Variants in ANXA8 observed in about 807,000 individuals in gnomAD.
The protein encoded by ANXA8 is VAC-beta.
In ANXA8, 9 loss-of-function variants were observed where a neutral mutation model predicts 26.8. The ratio of observed to expected loss-of-function variants is 0.34; its 90% CI spans 0.20 to 0.59. ANXA8 has a LOEUF of 0.59. Ranked by LOEUF, ANXA8 falls within the 20% of genes least tolerant of loss-of-function variation. ANXA8 has a pLI of 0.84. For missense variants in ANXA8, 83 were observed against 238.5 expected (o/e 0.35, Z 4.29); for synonymous variants, 39 against 94.8 (o/e 0.41, Z 3.42).
At chr10:47,733,292 TTTC>T in the ANXA8 span, among the ~76,000 whole-genome samples, 1 of 78,570 alleles carries the variant, frequency 1.3e-5, no homozygotes, top group Admixed American at 1.3e-4. Flanking sequence ...TCTTTCTTTC[TTTC>T]TTTTTTTTCT....
the ANXA8 span, among the ~76,000 whole-genome samples, chr10:47,657,204 C>T: frequency 0.012 from 1,821 of 151,686 alleles, 49 homozygotes; most frequent in African/African-American, 0.04. Context: ...ACTTTCCTTT[C>T]TCTGGTCTAA....
At chr10:47,743,315 CAT>C in the ANXA8 span, among the ~76,000 whole-genome samples, 7,074 of 57,928 alleles carry the variant, frequency 0.12, 500 homozygotes, top group African/African-American at 0.15. Context: ...TATATATACA[CAT>C]ATATATATAT....
chr10:47,682,925 C>G, the ANXA8 span, among the ~76,000 whole-genome samples: 1 of 152,226 alleles, frequency 6.6e-6, no homozygotes, highest in Non-Finnish European at 1.5e-5. Flanking sequence ...GGCTCACCCA[C>G]ACTGGCCTAA....
At chr10:47,687,490 C>T in the ANXA8 span, among the ~76,000 whole-genome samples, 1 of 151,858 alleles carries the variant, frequency 6.6e-6, no homozygotes, top group Non-Finnish European at 1.5e-5. Flanking sequence ...GTCTCGGACT[C>T]CTGATCTCAG....
chr10:47,959,472 CA>C, the ANXA8 span, among the ~76,000 whole-genome samples: 47 of 149,530 alleles, frequency 3.1e-4, 3 homozygotes, highest in African/African-American at 1.2e-3. Context: ...AGGTTGGGAT[CA>C]GCACGTGGAC....
At chr10:47,707,281 C>T in the ANXA8 span, among the ~76,000 whole-genome samples, 3 of 143,334 alleles carry the variant, frequency 2.1e-5, no homozygotes, top group African/African-American at 7.3e-5. Flanking sequence ...TATTTCTGAT[C>T]AATATATTGT....
the ANXA8 span, among the ~76,000 whole-genome samples, chr10:47,658,962 C>T: frequency 6.7e-6 from 1 of 149,564 alleles, no homozygotes; most frequent in Non-Finnish European, 1.5e-5. Flanking sequence ...AGCTCCGCCT[C>T]CCAGGTTCAT....
At chr10:47,615,253 G>A in the ANXA8 span, among the ~76,000 whole-genome samples, 2 of 74,000 alleles carry the variant, frequency 2.7e-5, no homozygotes, top group African/African-American at 7.8e-5. Context: ...CAATTCCTCA[G>A]CATTCCTCTG....
At chr10:47,982,801 CATATATATATAT>C in the ANXA8 span, among the ~76,000 whole-genome samples, 176 of 12,946 alleles carry the variant, frequency 0.014, 9 homozygotes, top group Non-Finnish European at 0.02. Flanking sequence ...ATTTGCAAAT[CATATATATATAT>C]ATATATATAT....
the ANXA8 span, among the ~76,000 whole-genome samples, chr10:47,573,556 TAAAC>T: frequency 7.7e-6 from 1 of 130,484 alleles, no homozygotes; most frequent in Non-Finnish European, 1.6e-5. Flanking sequence ...AAGGAGTGGT[TAAAC>T]AAAGTTTTAC....
chr10:47,503,937 C>CAAAAAAAAAA, the ANXA8 span, among the ~76,000 whole-genome samples: 10 of 23,442 alleles, frequency 4.3e-4, no homozygotes, highest in Admixed American at 1.4e-3. Context: ...GAGAGTCCAT[C>CAAAAAAAAAA]AAAAAAAAAA....
chr10:47,486,099 C>T (rs1840040162), upstream of ANXA8, among the ~76,000 whole-genome samples: 1 of 147,156 alleles, frequency 6.8e-6, no homozygotes, highest in Non-Finnish European at 1.5e-5. Flanking sequence ...CAGAGTGAAA[C>T]TCCGTCTTTA....
At chr10:47,980,144 G>A in the ANXA8 span, among the ~76,000 whole-genome samples, 1 of 151,170 alleles carries the variant, frequency 6.6e-6, no homozygotes, top group Non-Finnish European at 1.5e-5. Context: ...CCACAAATAT[G>A]TAGAAATTAA....
the ANXA8 span, among the ~76,000 whole-genome samples, chr10:47,677,177 A>G: frequency 2.2e-3 from 326 of 151,514 alleles, no homozygotes; most frequent in African/African-American, 7.5e-3. Context: ...TACAGCATAT[A>G]TGTGATTATA....
chr10:47,552,675 T>C, the ANXA8 span, among the ~76,000 whole-genome samples: 2 of 151,904 alleles, frequency 1.3e-5, no homozygotes, highest in Admixed American at 6.5e-5. Flanking sequence ...GCCAATAAAT[T>C]GGTAGTCACT....
upstream of ANXA8, among the ~76,000 whole-genome samples, chr10:47,488,685 A>T (rs1840088129): frequency 7.2e-6 from 1 of 138,110 alleles, no homozygotes; most frequent in Non-Finnish European, 1.5e-5. Flanking sequence ...CATCAATTTA[A>T]CATTTAACAT....
At chr10:47,743,378 A>ATATGTGTGTG in the ANXA8 span, among the ~76,000 whole-genome samples, 7 of 59,778 alleles carry the variant, frequency 1.2e-4, no homozygotes, top group Admixed American at 2.7e-4. Context: ...ATACATATAT[A>ATATGTGTGTG]TGTGTGTGTG....
chr10:47,684,427 G>A, the ANXA8 span, among the ~76,000 whole-genome samples: 2 of 151,368 alleles, frequency 1.3e-5, no homozygotes, highest in Admixed American at 6.6e-5. Flanking sequence ...TTTTTTTGGG[G>A]GGGGGGTGAG....
the ANXA8 span, among the ~76,000 whole-genome samples, chr10:47,901,885 G>C: frequency 2.0e-5 from 3 of 150,848 alleles, no homozygotes; most frequent in Non-Finnish European, 4.4e-5. Flanking sequence ...TTCTTATTTG[G>C]ATATGAACCG....
Sources: allele counts gnomAD v4.1 joint callset (sites outside exome capture counted in the v4.1 genomes callset), GRCh38; gene constraint gnomAD v4.1.1; transcripts MANE v1.5; gene names NCBI Gene and HGNC (gene_info 2026-07-23, HGNC 2026-07-21).